Variants in SCFD2 observed in about 807,000 individuals in gnomAD.
SCFD2 encodes the protein sec1 family domain-containing protein 2.
A neutral mutation model predicts 58.9 loss-of-function variants in SCFD2; 54 were observed. The ratio of observed to expected loss-of-function variants is 0.92; its 90% confidence interval spans 0.74 to 1.15. The LOEUF (loss-of-function observed/expected upper bound fraction) is 1.15, where lower values mean the gene tolerates loss of function less well. Among genes scored for constraint, SCFD2 ranks in the 50% most tolerant of loss-of-function variants. SCFD2 has a pLI of 0.00. For synonymous variants in SCFD2, 321 were observed against 335.9 expected, an observed-to-expected ratio of 0.96 and a Z score of 0.49; for missense variants, 805 against 836.6, an observed-to-expected ratio of 0.96 and a Z score of 0.47.
chr4:53,072,866 G>A (rs966838136), intron 5 of SCFD2, among the ~76,000 whole-genome samples: 4 of 152,030 alleles, frequency 2.6e-5, no homozygotes, highest in African/African-American at 9.7e-5. Flanking sequence ...CTAGTTTTCT[G>A]TGGCCACAAG....
chr4:53,217,148 G>T (rs1390022678), intron 4 of SCFD2, among the ~76,000 whole-genome samples: 1 of 152,202 alleles, frequency 6.6e-6, no homozygotes, highest in Non-Finnish European at 1.5e-5. Flanking sequence ...GAGTTCTGTA[G>T]ATTTCTATTA....
At chr4:53,275,969 T>A (rs1273416876) in intron 3 of SCFD2, among the ~76,000 whole-genome samples, 2 of 152,088 alleles carry the variant, frequency 1.3e-5, no homozygotes, top group East Asian at 3.9e-4. Context: ...TGCTTTCAAT[T>A]TTTTAGAAAT....
At chr4:53,328,190 A>ATG (rs576097323) in intron 2 of SCFD2, among the ~76,000 whole-genome samples, 18,584 of 150,656 alleles carry the variant, frequency 0.12, 1,279 homozygotes, top group East Asian at 0.21. Flanking sequence ...GTGCACATGT[A>ATG]TGTGTGTGTG....
chr4:52,896,354 G>A (rs1056018519), intron 7 of SCFD2, among the ~76,000 whole-genome samples: 14 of 152,164 alleles, frequency 9.2e-5, no homozygotes, highest in African/African-American at 2.9e-4. Flanking sequence ...TGTAAGGAAG[G>A]GATCCAGTTT....
intron 5 of SCFD2, among the ~76,000 whole-genome samples, chr4:53,103,718 G>A (rs1724895885): frequency 1.5e-5 from 2 of 130,788 alleles, no homozygotes; most frequent in Non-Finnish European, 3.1e-5. Context: ...TAGGACAAAG[G>A]CAGGAAATAT....
intron 4 of SCFD2, among the ~76,000 whole-genome samples, chr4:53,193,743 T>C (rs34115081): frequency 0.27 from 41,741 of 152,118 alleles, 6,318 homozygotes; most frequent in Non-Finnish European, 0.35. Context: ...TTTTTAAAAA[T>C]ATAGAACTTT....
At chr4:53,350,415 C>T (rs1363454302) in intron 2 of SCFD2, among the ~76,000 whole-genome samples, 2 of 152,158 alleles carry the variant, frequency 1.3e-5, no homozygotes, top group Non-Finnish European at 2.9e-5. Context: ...TTTCCTGAGC[C>T]TCTGCTTCCT....
chr4:53,292,570 C>A (rs1192319237), intron 3 of SCFD2, among the ~76,000 whole-genome samples: 1 of 151,940 alleles, frequency 6.6e-6, no homozygotes, highest in African/African-American at 2.4e-5. Context: ...GGTGAGGCTG[C>A]AGAGAAAAAG....
intron 5 of SCFD2, among the ~76,000 whole-genome samples, chr4:53,066,523 C>A (rs987527346): frequency 1.3e-5 from 2 of 152,042 alleles, no homozygotes; most frequent in Non-Finnish European, 2.9e-5. Context: ...TGAAACAAAA[C>A]ATACAAAAAA....
intron 8 of SCFD2, among the ~76,000 whole-genome samples, chr4:52,875,376 A>C (rs1718446515): frequency 6.6e-6 from 1 of 152,084 alleles, no homozygotes; most frequent in Non-Finnish European, 1.5e-5. Context: ...TAGGTTTTGC[A>C]CAAGCAGTAT....
chr4:53,113,150 C>T (rs548742721), intron 5 of SCFD2, among the ~76,000 whole-genome samples: 21 of 152,206 alleles, frequency 1.4e-4, no homozygotes, highest in African/African-American at 4.8e-4. Context: ...TCAAACATTG[C>T]CTCCTAAGGA....
At chr4:53,098,247 G>T (rs1183989262) in intron 5 of SCFD2, among the ~76,000 whole-genome samples, 1 of 152,150 alleles carries the variant, frequency 6.6e-6, no homozygotes, top group African/African-American at 2.4e-5. Flanking sequence ...AGTTAGGGAG[G>T]ATTCCCTCTT....
In SCFD2 at chr4:53,080,676, G is replaced by T. The variant is rs549534660; in HGVS notation, c.1561+64657C>A. 7.4e-4 allele frequency among the ~76,000 whole-genome samples: 113 copies of T among 152,144 alleles called. 1 individual carries two copies. The South Asian group carries it at 0.023, about 31-fold the overall frequency. Reference sequence around the variant, plus strand: ...ACTCACAATACAGCAAATAGGGAGGGGTTGTGGGAAATCTTCATTTAACCC... The same window carrying T: ...ACTCACAATACAGCAAATAGGGAGGTGTTGTGGGAAATCTTCATTTAACCC... On this transcript the variant is annotated intron_variant, in intron 5 of 8. Transcript: ENST00000401642.
chr4:52,913,054 T>G (rs1719522361), intron 6 of SCFD2, among the ~76,000 whole-genome samples: 1 of 152,194 alleles, frequency 6.6e-6, no homozygotes, highest in African/African-American at 2.4e-5. Context: ...GGAGAGGAAT[T>G]AAAAACTCAG....
chr4:53,078,377 A>G (rs1000709760), intron 5 of SCFD2, among the ~76,000 whole-genome samples: 1 of 152,226 alleles, frequency 6.6e-6, no homozygotes, highest in Non-Finnish European at 1.5e-5. Flanking sequence ...TTTAGTTCTA[A>G]AAATGTTAAG....
intron 5 of SCFD2, among the ~76,000 whole-genome samples, chr4:52,985,802 A>G (rs904084340): frequency 2.6e-5 from 1 of 38,332 alleles, no homozygotes; most frequent in African/African-American, 7.4e-5. Flanking sequence ...TATGCAACAG[A>G]TGACACTGCA....
rs150519393 is a variant in SCFD2, at chr4:53,087,338, GTTTCTT to G, written c.1561+57989_1561+57994del. Among the ~76,000 whole-genome samples the G allele has an allele frequency of 4.9e-3, 746 of 152,150 alleles. 7 individuals are homozygous for G. Among genetic ancestry groups the G allele is most frequent in the African/African-American group, 0.017 (712 of 41,550 alleles). On this transcript the variant is annotated intron_variant, in intron 5 of 8. Transcript: ENST00000401642. Reference sequence around the variant, plus strand: ...ATAAATTGAATATTTAACTAAAGCTGTTTCTTTTTCTTTTGAGATGAAGTCTCACTC... The same window carrying G: ...ATAAATTGAATATTTAACTAAAGCTGTTTCTTTTGAGATGAAGTCTCACTC...
intron 3 of SCFD2, among the ~76,000 whole-genome samples, chr4:53,300,435 C>A (rs1221859094): frequency 2.0e-5 from 3 of 152,066 alleles, no homozygotes; most frequent in Non-Finnish European, 4.4e-5. Flanking sequence ...ACAGGAGCAC[C>A]CAGATTCATA....
At chr4:53,195,457 GC>G (rs1400337925) in intron 4 of SCFD2, among the ~76,000 whole-genome samples, 1 of 152,050 alleles carries the variant, frequency 6.6e-6, no homozygotes, top group Non-Finnish European at 1.5e-5. Flanking sequence ...TAGGCAAATA[GC>G]CCCCAGGTGA....
Sources: gnomAD v4.1 joint callset for allele counts (sites outside exome capture counted in the v4.1 genomes callset) on GRCh38, gnomAD v4.1.1 for gene constraint, MANE v1.5 for transcripts, NCBI Gene and HGNC (gene_info 2026-07-23, HGNC 2026-07-21) for gene names.